The following SLC25A26 variants were observed in gnomAD, a reference collection of about 807,000 sequenced individuals.
SLC25A26 encodes solute carrier family 25 member 26.
A neutral mutation model predicts 37.8 loss-of-function variants in SLC25A26; 36 were observed. The ratio of observed to expected loss-of-function variants is 0.95; its 90% CI spans 0.73 to 1.26. SLC25A26 has a LOEUF of 1.26. Among genes scored for constraint, SLC25A26 ranks in the 50% most tolerant of loss-of-function variants. The probability of loss-of-function intolerance (pLI) is 0.00; values close to 1 mark genes in which losing one functional copy is unlikely to be tolerated. For missense variants in SLC25A26, 390 were observed against 331.1 expected, an observed-to-expected ratio of 1.18 and a Z score of -1.38; for synonymous variants, 129 against 122.5, an observed-to-expected ratio of 1.05 and a Z score of -0.35.
Position 66,271,561 on chromosome 3 carries a change from G to C in SLC25A26, c.453+8182G>C, listed in dbSNP as rs77898582. On this transcript the variant is annotated intron_variant, in intron 5 of 9. Transcript: ENST00000354883. ...CTTTCCTGGGACAGATGGTATCTCA[G>C]GGCCTTTATGAGTTGCGTGGGGATT... Among the ~76,000 whole-genome samples, 7 of 152,218 alleles carry C rather than the reference G, an allele frequency of 4.6e-5. No individual in the cohort carries two copies. The East Asian group carries it at 1.4e-3, about 29-fold the overall frequency.
At chr3:66,213,896 C>G (rs1308969377) in intron 1 of SLC25A26, among the ~76,000 whole-genome samples, 2 of 151,976 alleles carry the variant, frequency 1.3e-5, no homozygotes, top group African/African-American at 4.8e-5. Context: ...TAACGCTGCA[C>G]TCCAATCTGG....
chr3:66,138,053 C>T (rs370859823), intron 1 of SLC25A26, among the ~76,000 whole-genome samples: 16 of 152,100 alleles, frequency 1.1e-4, no homozygotes, highest in Middle Eastern at 3.4e-3. Flanking sequence ...AGGTTGGTCT[C>T]GAACTCCTGA....
At chr3:66,288,381 T>C (rs572546834) in intron 5 of SLC25A26, among the ~76,000 whole-genome samples, 1 of 152,304 alleles carries the variant, frequency 6.6e-6, no homozygotes, top group East Asian at 1.9e-4. Context: ...TGTGCAGGTT[T>C]GTTACATAGG....
chr3:66,275,005 T>A (rs867534312), intron 5 of SLC25A26, among the ~76,000 whole-genome samples: 2 of 152,078 alleles, frequency 1.3e-5, no homozygotes, highest in Non-Finnish European at 1.5e-5. Flanking sequence ...CCAAGCCAAA[T>A]GTCCAACAAT....
intron 5 of SLC25A26, among the ~76,000 whole-genome samples, chr3:66,289,771 C>T (rs905646747): frequency 2.0e-5 from 3 of 152,096 alleles, no homozygotes; most frequent in African/African-American, 7.2e-5. Flanking sequence ...CAGCTTTGTT[C>T]TTTTGCTTAG....
intron 5 of SLC25A26, among the ~76,000 whole-genome samples, chr3:66,344,184 A>T (rs1484292176): frequency 6.6e-6 from 1 of 152,204 alleles, no homozygotes; most frequent in Non-Finnish European, 1.5e-5. Flanking sequence ...TAATCTTTAA[A>T]TTTCTGATTA....
chr3:66,367,751 C>A (rs2076857414), intron 7 of SLC25A26, among the ~76,000 whole-genome samples: 1 of 151,374 alleles, frequency 6.6e-6, no homozygotes, highest in Non-Finnish European at 1.5e-5. Context: ...GTTCATGGAT[C>A]CTGTTATGTA....
chr3:66,336,754 C>T (rs559155285), intron 5 of SLC25A26, among the ~76,000 whole-genome samples: 113 of 152,232 alleles, frequency 7.4e-4, no homozygotes, highest in African/African-American at 2.6e-3. Context: ...CGAGTGACAA[C>T]TTTAAAAATT....
intron 1 of SLC25A26, among the ~76,000 whole-genome samples, chr3:66,229,708 A>C (rs2071921212): frequency 6.6e-6 from 1 of 152,224 alleles, no homozygotes; most frequent in African/African-American, 2.4e-5. Flanking sequence ...AGAACAGACT[A>C]ATACAAAGAC....
chr3:66,295,568 A>AT (rs1292314064), intron 5 of SLC25A26, among the ~76,000 whole-genome samples: 2 of 151,900 alleles, frequency 1.3e-5, no homozygotes, highest in Non-Finnish European at 2.9e-5. Context: ...AGCCCAGCTA[A>AT]TTTTTTGTGT....
intron 2 of SLC25A26, among the ~76,000 whole-genome samples, chr3:66,241,891 G>A (rs2072602663): frequency 6.6e-6 from 1 of 151,706 alleles, no homozygotes; most frequent in Non-Finnish European, 1.5e-5. Flanking sequence ...CTATTTTGAA[G>A]GGAATGTAGA....
chr3:66,149,153 GT>G (rs1375220263), intron 1 of SLC25A26, among the ~76,000 whole-genome samples: 13 of 151,958 alleles, frequency 8.6e-5, no homozygotes, highest in Admixed American at 3.3e-4. Flanking sequence ...GCCACTCAGA[GT>G]TTTTTTTCCA....
chr3:66,326,837 G>A lies in SLC25A26; in HGVS notation c.454-19527G>A, dbSNP rs562758911. Among the ~76,000 whole-genome samples, 15 of 152,276 alleles carry A rather than the reference G, an allele frequency of 9.9e-5. No homozygotes were observed. In the East Asian group the frequency reaches 2.9e-3, roughly 29 times the overall value. On this transcript the variant is annotated intron_variant, in intron 5 of 9. Coordinates refer to ENST00000354883, the MANE Select transcript of SLC25A26 (RefSeq NM_001379210.1). ...CATCTCTGGTAATTAATGGCAGAAA[G>A]CCCGGACAGTCGAGTCTGTGGTGCT...
intron 1 of SLC25A26, among the ~76,000 whole-genome samples, chr3:66,190,257 G>C (rs1170273747): frequency 5.9e-5 from 9 of 151,570 alleles, no homozygotes; most frequent in Non-Finnish European, 1.3e-4. Flanking sequence ...AAAGGTTGCA[G>C]TGAGCTGAGA....
rs138316824 is a variant in SLC25A26 at position 66,295,503 on chromosome 3, G to A, written c.453+32124G>A. On this transcript the variant is annotated intron_variant, in intron 5 of 9. Transcript: ENST00000354883. ...TGCAAGCTCCGCCTCCCGGGTTCAC[G>A]CCATTCTTCTGCCTCAGCCTCCTGA... Among the ~76,000 whole-genome samples, 448 of 150,350 alleles carry A rather than the reference G, an allele frequency of 3.0e-3. 3 individuals carry two copies. Among genetic ancestry groups the A allele is most frequent in the East Asian group, 0.016 (82 of 5,018 alleles).
rs78274617 is a variant in SLC25A26, at chr3:66,326,232, T to C, written c.454-20132T>C. Among the ~76,000 whole-genome samples, 33 of 152,272 alleles carry C rather than the reference T, an allele frequency of 2.2e-4. No homozygotes were observed. The East Asian group carries it at 3.9e-3, about 18-fold the overall frequency. ...ACAGAGTGCCTGTGAAATAGCTATG[T>C]GGAGATAATGAGTATCTACCCAAAT... On this transcript the variant is annotated intron_variant, in intron 5 of 9. Transcript: ENST00000354883.
At chr3:66,174,625 A>C (rs1395023722) in intron 1 of SLC25A26, among the ~76,000 whole-genome samples, 1 of 151,840 alleles carries the variant, frequency 6.6e-6, no homozygotes. Flanking sequence ...CTTAAAAAAA[A>C]CACAGAAAAA....
At chr3:66,350,917 A>G (rs770637640) in intron 6 of SLC25A26, among the ~76,000 whole-genome samples, 1 of 152,110 alleles carries the variant, frequency 6.6e-6, no homozygotes, top group Non-Finnish European at 1.5e-5. Flanking sequence ...CTTCTAATGA[A>G]GGCCTTGAAG....
intron 5 of SLC25A26, among the ~76,000 whole-genome samples, chr3:66,278,582 A>G (rs1172964129): frequency 6.6e-6 from 1 of 152,194 alleles, no homozygotes; most frequent in African/African-American, 2.4e-5. Context: ...AGATGTGATT[A>G]AGCTCACATT....
Sources: allele counts gnomAD v4.1 joint callset (sites outside exome capture counted in the v4.1 genomes callset), GRCh38; gene constraint gnomAD v4.1.1; transcripts MANE v1.5; gene names NCBI Gene and HGNC (gene_info 2026-07-23, HGNC 2026-07-21).